Variants in TTC28 observed in about 807,000 individuals in gnomAD.
TTC28 encodes tetratricopeptide repeat domain 28, also known as tetratricopeptide repeat protein 28.
A neutral mutation model predicts 198.0 loss-of-function variants in TTC28; 61 were observed. The observed-to-expected ratio is 0.31, with a 90% CI of 0.25 to 0.38. TTC28 has a LOEUF of 0.38. Among genes scored for constraint, TTC28 ranks in the 10% least tolerant of loss-of-function variants. TTC28 has a pLI of 1.00. For missense variants in TTC28, 2,678 were observed against 3,164.0 expected (o/e 0.85, Z 3.69); for synonymous variants, 1,171 against 1,297.8 (o/e 0.90, Z 2.10).
intron 19 of TTC28, among the ~76,000 whole-genome samples, 162 bp from the exon 20 acceptor site, chr22:27,990,974 GAC>G (rs1206611809): frequency 1.3e-5 from 2 of 152,210 alleles, no homozygotes; most frequent in Admixed American, 1.3e-4. Context: ...GTCAGCAGGG[GAC>G]ACACAGGAGA....
At chr22:28,313,956 G>A (rs2045310828) in intron 2 of TTC28, among the ~76,000 whole-genome samples, 1 of 152,160 alleles carries the variant, frequency 6.6e-6, no homozygotes, top group Non-Finnish European at 1.5e-5. Flanking sequence ...TGTATATTGA[G>A]AAAACCCCAA....
chr22:28,243,684 G>A (rs1220552844), intron 5 of TTC28, among the ~76,000 whole-genome samples: 1 of 152,138 alleles, frequency 6.6e-6, no homozygotes, highest in East Asian at 1.9e-4. Flanking sequence ...AAGCCTCACT[G>A]CTTTAGTGGC....
At chr22:28,150,415 C>G (rs1225978804) in intron 6 of TTC28, among the ~76,000 whole-genome samples, 1 of 152,168 alleles carries the variant, frequency 6.6e-6, no homozygotes, top group Admixed American at 6.5e-5. Flanking sequence ...CTCCAAATGT[C>G]TACCTAAAAG....
At chr22:28,302,219 T>C (rs1043161931) in intron 3 of TTC28, among the ~76,000 whole-genome samples, 2 of 151,964 alleles carry the variant, frequency 1.3e-5, no homozygotes, top group Non-Finnish European at 2.9e-5. Flanking sequence ...AACCATAGTG[T>C]TTTCTAGGAA....
intron 2 of TTC28, among the ~76,000 whole-genome samples, chr22:28,567,227 A>G (rs1463554908): frequency 6.8e-6 from 1 of 147,876 alleles, no homozygotes; most frequent in Non-Finnish European, 1.5e-5. Context: ...GAAAAAAAAA[A>G]AAAAAAAAAA....
At chr22:28,165,746 C>T (rs1195930519) in intron 5 of TTC28, among the ~76,000 whole-genome samples, 1 of 152,124 alleles carries the variant, frequency 6.6e-6, no homozygotes, top group Admixed American at 6.6e-5. Flanking sequence ...AAAGACCATC[C>T]AGGCTAGGAA....
chr22:28,097,395 C>T (rs1414611854), intron 10 of TTC28, among the ~76,000 whole-genome samples: 2 of 152,144 alleles, frequency 1.3e-5, no homozygotes, highest in East Asian at 3.9e-4. Context: ...TTCTGGGCTC[C>T]AACACACTTT....
chr22:28,527,750 C>G (rs978707844), intron 2 of TTC28, among the ~76,000 whole-genome samples: 2 of 152,192 alleles, frequency 1.3e-5, no homozygotes. Context: ...ATCCTCCCAC[C>G]TCAACCTCTT....
intron 2 of TTC28, among the ~76,000 whole-genome samples, chr22:28,484,178 C>T (rs892811863): frequency 6.6e-6 from 1 of 152,080 alleles, no homozygotes; most frequent in African/African-American, 2.4e-5. Context: ...AGGCTGAATG[C>T]CGTGGTGCAG....
chr22:28,454,223 T>G (rs1316545243), intron 2 of TTC28, among the ~76,000 whole-genome samples: 3 of 152,240 alleles, frequency 2.0e-5, no homozygotes, highest in African/African-American at 7.2e-5. Flanking sequence ...TGAAATTACA[T>G]TATTTCTCAT....
chr22:28,581,385 A>G (rs1439759302), intron 2 of TTC28, among the ~76,000 whole-genome samples: 1 of 152,242 alleles, frequency 6.6e-6, no homozygotes, highest in Admixed American at 6.5e-5. Flanking sequence ...GTGTGAGAAT[A>G]GACTAACACG....
At position 28,107,905 on chromosome 22, in the gene TTC28, A is replaced by C; in HGVS notation, c.1940T>G (p.Leu647Arg). Residue 647 changes from leucine to arginine, a missense_variant, in exon 7 of 23, where the codon CTT becomes CGT. By Grantham distance (102) the Leu-to-Arg change is moderately radical. Around this residue, in one of 8 missense-constraint regions of TTC28, gnomAD observed 775 missense variants for 845.9 expected, o/e 0.92. Coordinates refer to ENST00000397906, the MANE Select transcript of TTC28 (RefSeq NM_001145418.2). ...CHNLGYAHYC[L>R]GNYQEAVKYY... is the part of the protein sequence containing the mutation. ...CTTCACTGCCTCCTGATAGTTTCCA[A>C]GGCAGTAATGGGCATAGCCAAGATT... is the stretch of plus-strand genomic sequence containing the variant. 6.4e-7 allele frequency: 1 copy of C among 1,551,734 alleles called. No homozygotes were observed. The highest frequency in any genetic ancestry group is 8.7e-7 in the Non-Finnish European group (1 of 1,147,002).
At chr22:28,294,576 C>A (rs1254885021) in intron 5 of TTC28, among the ~76,000 whole-genome samples, 3 of 138,174 alleles carry the variant, frequency 2.2e-5, no homozygotes, top group African/African-American at 5.4e-5. Context: ...TTTTTTTTTT[C>A]TTTCCCCCCC....
chr22:28,119,299 C>T (rs1942721975), intron 6 of TTC28, among the ~76,000 whole-genome samples: 1 of 152,174 alleles, frequency 6.6e-6, no homozygotes, highest in Non-Finnish European at 1.5e-5. Context: ...TTCCAAACAG[C>T]TTCAATTACC....
chr22:28,461,390 C>A (rs1254525591), intron 2 of TTC28, among the ~76,000 whole-genome samples: 1 of 152,106 alleles, frequency 6.6e-6, no homozygotes, highest in South Asian at 2.1e-4. Flanking sequence ...AACTGACCAA[C>A]GTAACACCCT....
intron 1 of TTC28, among the ~76,000 whole-genome samples, chr22:28,651,762 T>G (rs1238838848): frequency 6.6e-6 from 1 of 151,928 alleles, no homozygotes; most frequent in Non-Finnish European, 1.5e-5. Flanking sequence ...TTCTGATCCC[T>G]TAATTATACA....
chr22:28,631,440 A>G (rs2051172053), intron 1 of TTC28, among the ~76,000 whole-genome samples: 1 of 152,232 alleles, frequency 6.6e-6, no homozygotes, highest in East Asian at 1.9e-4. Flanking sequence ...TTTCAAAATT[A>G]CTAAGTTTTC....
intron 2 of TTC28, among the ~76,000 whole-genome samples, chr22:28,332,158 A>C (rs1024992061): frequency 6.6e-6 from 1 of 152,098 alleles, no homozygotes; most frequent in South Asian, 2.1e-4. Context: ...CAAATGCTTA[A>C]AAACTAGGTT....
chr22:28,437,245 G>A (rs1436109862), intron 2 of TTC28, among the ~76,000 whole-genome samples: 1 of 152,114 alleles, frequency 6.6e-6, no homozygotes, highest in East Asian at 1.9e-4. Context: ...ACTATTCCTG[G>A]CTAATTTTTG....
Sources: gnomAD v4.1 joint callset for allele counts (sites outside exome capture counted in the v4.1 genomes callset) on GRCh38, gnomAD v4.1.1 for gene constraint, gnomAD v4.1.1 regional missense constraint, MANE v1.5 for transcripts, NCBI Gene and HGNC (gene_info 2026-07-23, HGNC 2026-07-21) for gene names.